The following NFU1 variants were observed in gnomAD, a reference collection of about 807,000 sequenced individuals.
NFU1 encodes the protein NFU1 iron-sulfur cluster scaffold.
A neutral mutation model predicts 32.2 loss-of-function variants in NFU1; 30 were observed. The observed-to-expected ratio is 0.93, with a 90% CI of 0.70 to 1.26. NFU1 has a LOEUF of 1.26. Ranked by LOEUF, NFU1 falls within the 50% of genes most tolerant of loss-of-function variation. The probability of loss-of-function intolerance (pLI) is 0.00; values close to 1 mark genes in which losing one functional copy is unlikely to be tolerated. For synonymous variants in NFU1, 112 were observed against 104.6 expected, an observed-to-expected ratio of 1.07 and a Z score of -0.43; for missense variants, 306 against 306.6, an observed-to-expected ratio of 1.00 and a Z score of 0.02.
chr2:69,431,270 G>A (rs1434991495), intron 2 of NFU1, among the ~76,000 whole-genome samples: 1 of 152,066 alleles, frequency 6.6e-6, no homozygotes, highest in Non-Finnish European at 1.5e-5. Context: ...GACAGCAGTA[G>A]CTTTAAATAC....
intron 5 of NFU1, among the ~76,000 whole-genome samples, chr2:69,408,734 TTATATATATATATATA>T (rs70954344): frequency 0.54 from 74,113 of 136,422 alleles, 20,098 homozygotes; most frequent in Non-Finnish European, 0.6. Flanking sequence ...ATATAAAATT[TTATATATATATATATA>T]TATATATATA....
At chr2:69,439,353 T>C (rs1053992128), upstream of NFU1, among the ~76,000 whole-genome samples, 1 of 152,038 alleles carries the variant, frequency 6.6e-6, no homozygotes, top group Non-Finnish European at 1.5e-5. Context: ...GTGTCCAGAG[T>C]CTGTTCCTTC....
At chr2:69,439,253 G>C (rs1673978272), upstream of NFU1, among the ~76,000 whole-genome samples, 1 of 152,144 alleles carries the variant, frequency 6.6e-6, no homozygotes, top group South Asian at 2.1e-4. Flanking sequence ...CTGTGCTACT[G>C]TGTCCGGAAT....
In NFU1 at chr2:69,418,039, C is replaced by T. The variant is rs375231111; in HGVS notation, c.369+1499G>A. Among the ~76,000 whole-genome samples the T allele has an allele frequency of 2.2e-4, 33 of 152,118 alleles. 1 individual carries two copies. In the East Asian group the frequency reaches 4.8e-3, roughly 22 times the overall value. ...ATATGTAAAGCACTAGGGCCATATCCGACATTGAATATATTAAATAAATGT... is the reference window on the plus strand; with the variant it reads ...ATATGTAAAGCACTAGGGCCATATCTGACATTGAATATATTAAATAAATGT... On this transcript the variant is annotated intron_variant, in intron 4 of 7. Transcript: ENST00000410022.
intron 1 of NFU1, 168 bp downstream of exon 1, chr2:69,437,193 C>G: frequency 2.1e-6 from 3 of 1,412,374 alleles, no homozygotes; most frequent in Non-Finnish European, 2.8e-6. Context: ...GCCGAGCTCC[C>G]GCACAGACAG....
At chr2:69,409,646 G>C (rs1362811167) in intron 5 of NFU1, among the ~76,000 whole-genome samples, 2 of 152,170 alleles carry the variant, frequency 1.3e-5, no homozygotes, top group Non-Finnish European at 2.9e-5. Context: ...TACCCCCATG[G>C]AAGAAGAAGG....
At chr2:69,429,189 C>T (rs1673558727) in intron 2 of NFU1, among the ~76,000 whole-genome samples, 1 of 152,188 alleles carries the variant, frequency 6.6e-6, no homozygotes, top group African/African-American at 2.4e-5. Context: ...GGCTCTGAAC[C>T]AATCATTTCT....
At chr2:69,414,618 TAA>T (rs57180785) in intron 5 of NFU1, among the ~76,000 whole-genome samples, 34,483 of 80,534 alleles carry the variant, frequency 0.43, 4,993 homozygotes, top group African/African-American at 0.48. Context: ...AGTCTGTCTC[TAA>T]AAAAAAAAAA....
intron 5 of NFU1, among the ~76,000 whole-genome samples, chr2:69,413,338 TA>T (rs199601356): frequency 9.6e-4 from 131 of 137,068 alleles, no homozygotes; most frequent in Middle Eastern, 7.7e-3. Context: ...AACATACGGG[TA>T]AAAAAAAAAA....
At chr2:69,398,341 G>A (rs1672404199) in intron 7 of NFU1, among the ~76,000 whole-genome samples, 1 of 152,106 alleles carries the variant, frequency 6.6e-6, no homozygotes, top group Admixed American at 6.6e-5. Flanking sequence ...TTCCAAGTGG[G>A]GGATGGATAA....
At chr2:69,402,747 A>C (rs1672564038) in intron 6 of NFU1, among the ~76,000 whole-genome samples, 1 of 151,568 alleles carries the variant, frequency 6.6e-6, no homozygotes, top group Non-Finnish European at 1.5e-5. Flanking sequence ...ATGCGTGGCT[A>C]ATTTTTTATT....
chr2:69,402,658 T>C (rs907749840), intron 6 of NFU1, among the ~76,000 whole-genome samples: 6 of 152,164 alleles, frequency 3.9e-5, no homozygotes, highest in Admixed American at 3.3e-4. Context: ...CTCGGCTCAC[T>C]GTAACCTCCG....
Position 69,437,340 on chromosome 2 carries a change from AG to A in NFU1, c.62+20del. On this transcript the variant is annotated intron_variant, in intron 1 of 7. Coordinates refer to ENST00000410022, the MANE Select transcript of NFU1 (RefSeq NM_001002755.4). Reference sequence around the variant, plus strand: ...TAAGCCCAGCGGCACACCTATTCGGAGCTCCAGGCTCGTCACCTACCGCCTG... The same window carrying A: ...TAAGCCCAGCGGCACACCTATTCGGACTCCAGGCTCGTCACCTACCGCCTG... 8.7e-6 allele frequency: 14 copies of A among 1,602,498 alleles called. No individual in the cohort carries two copies. The highest frequency in any genetic ancestry group is 1.2e-5 in the Non-Finnish European group (14 of 1,176,328).
At chr2:69,429,663 G>C (rs1463195937) in intron 2 of NFU1, among the ~76,000 whole-genome samples, 1 of 152,140 alleles carries the variant, frequency 6.6e-6, no homozygotes, top group Admixed American at 6.6e-5. Flanking sequence ...ACTATCTAAA[G>C]TAGAAAGTAT....
At chr2:69,404,615 A>ATATTTTTTTTT (rs1426118283) in intron 6 of NFU1, among the ~76,000 whole-genome samples, 4,065 of 73,172 alleles carry the variant, frequency 0.056, 357 homozygotes, top group Non-Finnish European at 0.068. Flanking sequence ...ATCTTAGCAA[A>ATATTTTTTTTT]TTTTTTTTTT....
intron 5 of NFU1, among the ~76,000 whole-genome samples, chr2:69,413,393 T>C (rs1367846344): frequency 1.3e-5 from 2 of 151,222 alleles, no homozygotes; most frequent in African/African-American, 4.9e-5. Context: ...ATTGAAATTC[T>C]TAAAATATAC....
chr2:69,418,633 C>T lies in NFU1; in HGVS notation c.369+905G>A, dbSNP rs11884868. ...AGGCGCCCGCCACCATGCCCGGCTA[C>T]TTTTTTTTTGTATTTTTAGTAGAGA... On this transcript the variant is annotated intron_variant, in intron 4 of 7. Transcript: ENST00000410022. Among the ~76,000 whole-genome samples the T allele has an allele frequency of 5.3e-5, 8 of 151,330 alleles. No homozygotes were observed. The East Asian group carries it at 5.9e-4, about 11-fold the overall frequency.
intron 5 of NFU1, among the ~76,000 whole-genome samples, 178 bp from the exon 6 acceptor site, chr2:69,406,260 G>T (rs1003544981): frequency 2.6e-5 from 4 of 152,178 alleles, no homozygotes; most frequent in Non-Finnish European, 5.9e-5. Context: ...ACATTCATTT[G>T]ATTATCTGAA....
In NFU1 at chr2:69,435,529, A is replaced by G. The variant is rs777971804; in HGVS notation, c.62+1832T>C. On this transcript the variant is annotated intron_variant, in intron 1 of 7. Coordinates refer to ENST00000410022, the MANE Select transcript of NFU1 (RefSeq NM_001002755.4). Reference sequence around the variant, plus strand: ...ACAGATGAACTGTTTACTACCTTCAATAATCTTTATATGCCATTGATAAGC... The same window carrying G: ...ACAGATGAACTGTTTACTACCTTCAGTAATCTTTATATGCCATTGATAAGC... Among the ~76,000 whole-genome samples, 114 of 152,344 alleles carry G rather than the reference A, an allele frequency of 7.5e-4. 1 individual carries two copies. The highest frequency in any genetic ancestry group is 3.4e-3 in the Middle Eastern group (1 of 292).
Sources: gnomAD v4.1 joint callset for allele counts (sites outside exome capture counted in the v4.1 genomes callset) on GRCh38, gnomAD v4.1.1 for gene constraint, MANE v1.5 for transcripts, NCBI Gene and HGNC (gene_info 2026-07-23, HGNC 2026-07-21) for gene names.